Variants in MALL observed in about 807,000 individuals in gnomAD.
MALL encodes mal, T cell differentiation protein like.
In MALL, 2 loss-of-function variants were observed where a neutral mutation model predicts 10.3. The ratio of observed to expected loss-of-function variants is 0.19; its 90% CI spans 0.08 to 0.61. MALL has a LOEUF of 0.61. MALL is among the 20% of genes least tolerant of loss of function. MALL has a pLI of 0.88. For missense variants in MALL, 39 were observed against 115.2 expected (o/e 0.34, Z 3.03); for synonymous variants, 27 against 51.8 (o/e 0.52, Z 2.05).
intron 1 of MALL, among the ~76,000 whole-genome samples, chr2:110,092,885 A>ACG: frequency 2.0e-5 from 1 of 49,112 alleles, no homozygotes; most frequent in Non-Finnish European, 5.7e-5. Flanking sequence ...TTATTAGAAA[A>ACG]CGTCTTTAAA....
chr2:110,097,659 C>T (rs1459640694), intron 1 of MALL: 4 of 413,024 alleles, frequency 9.7e-6, no homozygotes, highest in Admixed American at 2.6e-5. Flanking sequence ...TCTGTGTGGC[C>T]AGGGCTCTGG....
At chr2:110,104,072 G>A (rs1464477803) in intron 1 of MALL, among the ~76,000 whole-genome samples, 1 of 152,158 alleles carries the variant, frequency 6.6e-6, no homozygotes, top group Middle Eastern at 3.2e-3. Context: ...AGCTGGAGAT[G>A]AGGGTCCCAG....
chr2:110,098,904 A>G (rs1678503493), intron 1 of MALL, among the ~76,000 whole-genome samples: 1 of 152,046 alleles, frequency 6.6e-6, no homozygotes, highest in Non-Finnish European at 1.5e-5. Flanking sequence ...CGGGGGGCTG[A>G]GATGGGAGGA....
chr2:110,105,445 C>T (rs183828977), intron 1 of MALL, among the ~76,000 whole-genome samples: 1 of 152,286 alleles, frequency 6.6e-6, no homozygotes, highest in Non-Finnish European at 1.5e-5. Context: ...CCCCATGGTC[C>T]CACGGGCACA....
chr2:110,105,430 C>T (rs576577358), intron 1 of MALL, among the ~76,000 whole-genome samples: 22 of 152,290 alleles, frequency 1.4e-4, no homozygotes, highest in East Asian at 1.2e-3. Context: ...ATTATTCCAA[C>T]GGGACCCCAT....
chr2:110,108,218 A>T (rs1678733872), intron 1 of MALL, among the ~76,000 whole-genome samples: 1 of 152,158 alleles, frequency 6.6e-6, no homozygotes, highest in South Asian at 2.1e-4. Flanking sequence ...AATTCAAGAG[A>T]TTAGTTATTA....
intron 1 of MALL, among the ~76,000 whole-genome samples, chr2:110,101,846 G>A (rs1678570260): frequency 6.6e-6 from 1 of 152,044 alleles, no homozygotes; most frequent in Non-Finnish European, 1.5e-5. Context: ...AAAAAAAAAG[G>A]AAGAGGACAA....
chr2:110,115,740 G>A lies in MALL; in HGVS notation c.53C>T (p.Ser18Leu), dbSNP rs774340006. ...ATSYAPSDVPSGVALFLTIPF... is the reference protein window; with the variant it reads ...ATSYAPSDVPLGVALFLTIPF... Reference sequence around the variant, plus strand: ...GATGGTGAGGAACAGCGCGACCCCCGAGGGCACGTCGGACGGGGCGTAGCT... The same window carrying A: ...GATGGTGAGGAACAGCGCGACCCCCAAGGGCACGTCGGACGGGGCGTAGCT... The change falls in exon 1 of 4, where the codon TCG becomes TTG. Residue 18 changes from serine (S) to leucine (L), a missense_variant. Coordinates refer to ENST00000272462, the MANE Select transcript of MALL (RefSeq NM_005434.5). 9 of 1,292,788 alleles carry A rather than the reference G, an allele frequency of 7.0e-6. No homozygotes were observed. The highest frequency in any genetic ancestry group is 3.5e-5 in the South Asian group (1 of 28,424). 80.1% of individuals were successfully genotyped at this position (1,292,788 alleles called of 1,614,324 possible).
upstream of MALL, among the ~76,000 whole-genome samples, chr2:110,117,777 C>T (rs1678951645): frequency 6.6e-6 from 1 of 152,008 alleles, no homozygotes; most frequent in Non-Finnish European, 1.5e-5. Context: ...CCATTGCCAC[C>T]ACCACTGTCA....
intron 1 of MALL, among the ~76,000 whole-genome samples, chr2:110,109,955 C>G (rs1190001715): frequency 6.6e-6 from 1 of 152,076 alleles, no homozygotes; most frequent in African/African-American, 2.4e-5. Context: ...AATTAAATAA[C>G]CTGCTTCTGA....
chr2:110,097,598 T>C (rs1678474396), intron 1 of MALL: 3 of 455,700 alleles, frequency 6.6e-6, no homozygotes, highest in Non-Finnish European at 1.3e-5. Context: ...GCCTGAGTAA[T>C]GATGCCCTGG....
chr2:110,104,107 G>A (rs1249011993), intron 1 of MALL, among the ~76,000 whole-genome samples: 1 of 152,146 alleles, frequency 6.6e-6, no homozygotes, highest in Admixed American at 6.5e-5. Context: ...GGTGACCACT[G>A]TCTCCCAGCA....
intron 1 of MALL, among the ~76,000 whole-genome samples, chr2:110,104,919 T>A (rs1678655450): frequency 6.6e-6 from 1 of 152,202 alleles, no homozygotes; most frequent in Non-Finnish European, 1.5e-5. Context: ...GACTTACAAT[T>A]GTTACTTGTC....
At chr2:110,107,351 G>T (rs1196647756) in intron 1 of MALL, among the ~76,000 whole-genome samples, 1 of 151,910 alleles carries the variant, frequency 6.6e-6, no homozygotes, top group East Asian at 1.9e-4. Flanking sequence ...CTGCTGGGGG[G>T]TACACAGAGG....
Position 110,102,556 on chromosome 2 carries a change from C to T in MALL, c.106-10786G>A, listed in dbSNP as rs138746720. ...GGACACACCACTCACTAGCTGCTCA[C>T]AGCCTCAGATTCCTGGGACAGACGC... On this transcript the variant is annotated intron_variant, in intron 1 of 3. Transcript: ENST00000272462. Among the ~76,000 whole-genome samples, 782 of 152,314 alleles carry T rather than the reference C, an allele frequency of 5.1e-3. 6 individuals carry two copies. The highest frequency in any genetic ancestry group is 0.018 in the African/African-American group (741 of 41,574).
intron 1 of MALL, among the ~76,000 whole-genome samples, chr2:110,108,332 T>C (rs1559032870): frequency 1.3e-5 from 2 of 151,938 alleles, no homozygotes; most frequent in Admixed American, 1.3e-4. Flanking sequence ...ATAGATAGCT[T>C]AAAGAAAAAA....
Position 110,110,968 on chromosome 2 carries a change from C to A in MALL, c.105+4720G>T, listed in dbSNP as rs548876935. On this transcript the variant is annotated intron_variant, in intron 1 of 3. Transcript: ENST00000272462. Reference sequence around the variant, plus strand: ...CATAAACAGAATTTAAAACAAAAATCACATGATCATTTCAATAGATGCAGA... The same window carrying A: ...CATAAACAGAATTTAAAACAAAAATAACATGATCATTTCAATAGATGCAGA... 1.1e-3 allele frequency among the ~76,000 whole-genome samples: 162 copies of A among 152,200 alleles called. 1 individual carries two copies. Among genetic ancestry groups the A allele is most frequent in the African/African-American group, 3.7e-3 (155 of 41,534 alleles).
chr2:110,117,863 TCTGA>T (rs1221635748), upstream of MALL, among the ~76,000 whole-genome samples: 1 of 152,068 alleles, frequency 6.6e-6, no homozygotes, highest in East Asian at 1.9e-4. Flanking sequence ...CTACACTCTC[TCTGA>T]CTGTTTGGGG....
chr2:110,114,436 C>T (rs1199502039), intron 1 of MALL, among the ~76,000 whole-genome samples: 2 of 151,918 alleles, frequency 1.3e-5, no homozygotes, highest in African/African-American at 4.8e-5. Context: ...AGTACCCCAG[C>T]CACCCATGCA....
Sources: allele counts gnomAD v4.1 joint callset (sites outside exome capture counted in the v4.1 genomes callset), GRCh38; gene constraint gnomAD v4.1.1; transcripts MANE v1.5; gene names NCBI Gene and HGNC (gene_info 2026-07-23, HGNC 2026-07-21).